KIF5C: variants seen among roughly 807,000 people sequenced by gnomAD.
The protein encoded by KIF5C is kinesin family member 5C, also known as kinesin heavy chain isoform 5C.
In KIF5C, 18 loss-of-function variants were observed where a neutral mutation model predicts 125.2. The observed-to-expected ratio is 0.14, with a 90% confidence interval of 0.10 to 0.21. KIF5C has a LOEUF of 0.21. KIF5C is among the 10% of genes least tolerant of loss of function. The pLI is 1.00. For synonymous variants in KIF5C, 405 were observed against 434.0 expected (o/e 0.93, Z 0.83); for missense variants, 780 against 1,183.8 (o/e 0.66, Z 5.01).
At chr2:148,988,955 TTTTTTAA>T (rs775866505) in intron 15 of KIF5C, among the ~76,000 whole-genome samples, 30 of 152,220 alleles carry the variant, frequency 2.0e-4, no homozygotes, top group Non-Finnish European at 3.5e-4. Flanking sequence ...ATTGTTGAAC[TTTTTTAA>T]TTTTTAATTT....
chr2:148,968,275 G>A (rs1024264434), intron 11 of KIF5C, among the ~76,000 whole-genome samples: 1 of 152,046 alleles, frequency 6.6e-6, no homozygotes. Flanking sequence ...TGGAAAAATC[G>A]GCAGTCTCTA....
chr2:148,987,499 G>C (rs1367287501), intron 15 of KIF5C, among the ~76,000 whole-genome samples: 1 of 152,160 alleles, frequency 6.6e-6, no homozygotes, highest in Non-Finnish European at 1.5e-5. Flanking sequence ...TGAAGCAGTG[G>C]AGTGAATATT....
intron 1 of KIF5C, among the ~76,000 whole-genome samples, chr2:148,921,243 T>C (rs1441713493): frequency 6.6e-6 from 1 of 152,204 alleles, no homozygotes; most frequent in Non-Finnish European, 1.5e-5. Flanking sequence ...AACACACACA[T>C]TTGAGCATCA....
At chr2:148,896,510 G>A (rs1053049925) in intron 1 of KIF5C, among the ~76,000 whole-genome samples, 4 of 152,172 alleles carry the variant, frequency 2.6e-5, no homozygotes, top group African/African-American at 9.6e-5. Context: ...GGAGCATCAC[G>A]ATGCTGATGT....
chr2:148,939,326 T>G (rs1041136517), intron 4 of KIF5C, among the ~76,000 whole-genome samples: 8 of 152,242 alleles, frequency 5.3e-5, no homozygotes, highest in South Asian at 2.1e-4. Context: ...TCCTTAGGAT[T>G]CCTTTTGTTG....
At chr2:148,962,630 CA>C (rs1253768822) in intron 11 of KIF5C, among the ~76,000 whole-genome samples, 1 of 152,122 alleles carries the variant, frequency 6.6e-6, no homozygotes, top group Non-Finnish European at 1.5e-5. Flanking sequence ...ATCCCCATCC[CA>C]TCACTTGGCT....
At position 148,937,238 on chromosome 2, in the gene KIF5C, C is replaced by T. The variant is rs779675787; in HGVS notation, c.292-46C>T. ...ATGGTTCTCCCTCTCTCTCATGTGT[C>T]TCCCAGCATGCTTTAACTGCCCGTG... On this transcript the variant is annotated intron_variant, in intron 3 of 25. Coordinates refer to ENST00000435030, the MANE Select transcript of KIF5C (RefSeq NM_004522.3). 20 of 1,549,858 alleles carry T rather than the reference C, an allele frequency of 1.3e-5. No homozygotes were observed. The African/African-American group carries it at 2.6e-4, about 20-fold the overall frequency.
chr2:148,875,575 G>GGGCCCCCCCCCCAACCCCCCCCCCCC lies in KIF5C; in HGVS notation c.-43_-42insGGCCCCCCCCCCAACCCCCCCCCCCC. The GGGCCCCCCCCCCAACCCCCCCCCCCC allele has an allele frequency of 1.4e-6, 1 of 699,606 alleles. No homozygotes were observed. Among genetic ancestry groups the GGGCCCCCCCCCCAACCCCCCCCCCCC allele is most frequent in the Non-Finnish European group, 2.6e-6 (1 of 389,230 alleles). The allele number at this position is 699,606 out of a possible 1,614,324, so 43.3% of individuals were successfully genotyped here. On this transcript the variant is annotated 5_prime_UTR_variant, in exon 1 of 26. Transcript: ENST00000435030. Reference sequence around the variant, plus strand: ...TCCTCCCTCGTCGTTCCCGGCCCCGGCCCCCCACCCATCCCCGTGCCCCCT... The same window carrying GGGCCCCCCCCCCAACCCCCCCCCCCC: ...TCCTCCCTCGTCGTTCCCGGCCCCGGGGCCCCCCCCCCAACCCCCCCCCCCCCCCCCCACCCATCCCCGTGCCCCCT...
At chr2:148,991,757 G>A (rs145107025) in intron 16 of KIF5C, among the ~76,000 whole-genome samples, 8 of 152,264 alleles carry the variant, frequency 5.3e-5, no homozygotes, top group Admixed American at 2.6e-4. Flanking sequence ...CCTACAGCCC[G>A]TGAATGACAG....
chr2:149,000,824 C>T (rs752935509), intron 21 of KIF5C, 42 bp downstream of exon 21: 16 of 1,606,840 alleles, frequency 1.0e-5, no homozygotes, highest in Middle Eastern at 1.7e-4. Flanking sequence ...TCTCCAAGAC[C>T]GGATTCATTT....
intron 21 of KIF5C, among the ~76,000 whole-genome samples, chr2:149,004,347 A>G (rs2105191614): frequency 6.6e-6 from 1 of 152,342 alleles, no homozygotes; most frequent in East Asian, 1.9e-4. Context: ...CAATTTAGAC[A>G]AAGTTTGCAT....
chr2:148,887,841 C>T (rs1558872741), intron 1 of KIF5C, among the ~76,000 whole-genome samples: 1 of 148,884 alleles, frequency 6.7e-6, no homozygotes, highest in Non-Finnish European at 1.5e-5. Flanking sequence ...TAGTACGCTT[C>T]GGTTACTTTG....
chr2:148,933,033 G>A (rs983865825), intron 3 of KIF5C, among the ~76,000 whole-genome samples: 7 of 152,168 alleles, frequency 4.6e-5, no homozygotes, highest in African/African-American at 7.2e-5. Context: ...TTTGCTTTCC[G>A]GGAGAAACAA....
At chr2:148,942,261 A>G (rs560712796) in intron 6 of KIF5C, among the ~76,000 whole-genome samples, 1 of 152,340 alleles carries the variant, frequency 6.6e-6, no homozygotes, top group East Asian at 1.9e-4. Flanking sequence ...AACGCCTATT[A>G]TAGCATTATC....
At chr2:148,970,346 A>T (rs1680863819) in intron 11 of KIF5C, among the ~76,000 whole-genome samples, 1 of 152,196 alleles carries the variant, frequency 6.6e-6, no homozygotes. Flanking sequence ...TTTGTCAGGG[A>T]GAGGAGGGGA....
intron 15 of KIF5C, among the ~76,000 whole-genome samples, chr2:148,988,820 G>A (rs543634019): frequency 3.9e-5 from 6 of 152,258 alleles, no homozygotes; most frequent in African/African-American, 7.2e-5. Flanking sequence ...TTTGGCAGTC[G>A]GAAGTAAAAT....
At chr2:148,963,983 C>T (rs528980225) in intron 11 of KIF5C, among the ~76,000 whole-genome samples, 2 of 152,274 alleles carry the variant, frequency 1.3e-5, no homozygotes, top group East Asian at 1.9e-4. Flanking sequence ...TGTCACTCTT[C>T]GAACACCTTG....
chr2:148,889,540 GTTC>G lies in KIF5C; in HGVS notation c.126+13802_126+13804del, dbSNP rs141234207. On this transcript the variant is annotated intron_variant, in intron 1 of 25. Transcript: ENST00000435030. ...GATTTGCACTTGGGACTAACTCAGG[GTTC>G]TTCTCACATGCTCACAGATGTAATT... Among the ~76,000 whole-genome samples the G allele has an allele frequency of 8.5e-3, 1,297 of 152,214 alleles. 17 individuals are homozygous for G. The highest frequency in any genetic ancestry group is 0.03 in the African/African-American group (1,227 of 41,512).
chr2:148,886,909 G>A (rs1354383310), intron 1 of KIF5C, among the ~76,000 whole-genome samples: 1 of 152,138 alleles, frequency 6.6e-6, no homozygotes, highest in Non-Finnish European at 1.5e-5. Context: ...GGTAAAGACT[G>A]GCTTGAGGAT....
Sources: allele counts gnomAD v4.1 joint callset (sites outside exome capture counted in the v4.1 genomes callset), GRCh38; gene constraint gnomAD v4.1.1; transcripts MANE v1.5; gene names NCBI Gene and HGNC (gene_info 2026-07-23, HGNC 2026-07-21).